The following FREM1 variants were observed in gnomAD, a reference collection of about 807,000 sequenced individuals.
FREM1 encodes the protein FRAS1 related extracellular matrix 1.
In FREM1, 220 loss-of-function variants were observed where a neutral mutation model predicts 210.1. That is an observed-to-expected ratio of 1.05 (90% CI 0.94 to 1.17). The LOEUF is 1.17. Ranked by LOEUF, FREM1 falls within the 50% of genes most tolerant of loss-of-function variation. FREM1 has a pLI of 0.00. For synonymous variants in FREM1, 1,189 were observed against 980.2 expected (o/e 1.21, Z -3.98); for missense variants, 3,454 against 2,675.5 (o/e 1.29, Z -6.42).
At chr9:14,797,403 G>A in intron 21 of FREM1, 95 bp downstream of exon 21, 1 of 1,011,942 alleles carries the variant, frequency 9.9e-7, no homozygotes, top group South Asian at 3.2e-5. Flanking sequence ...GCGAAGACTT[G>A]CTTCTTTGGG....
rs138852435 is a variant in FREM1 at position 14,813,101 on chromosome 9, A to G, written c.2641-37T>C. ...AAAAAATGCATGTTTTCAGAAAAAG[A>G]AAGAAATGACAAATTCTTTGACAGG... On this transcript the variant is annotated intron_variant, in intron 15 of 36. Transcript: ENST00000380880. The G allele has an allele frequency of 3.6e-5, 57 of 1,576,596 alleles. No individual in the cohort carries two copies. The East Asian group carries it at 1.3e-3, about 35-fold the overall frequency.
At chr9:14,743,019 G>C (rs534887579) in intron 35 of FREM1, among the ~76,000 whole-genome samples, 1 of 152,040 alleles carries the variant, frequency 6.6e-6, no homozygotes, top group Admixed American at 6.6e-5. Context: ...GTAGATAAGA[G>C]AAGTGATGGA....
In FREM1 at chr9:14,805,170, G is replaced by A. The variant is rs764397864; in HGVS notation, c.3275-18C>T. ...AAATGAATCTAGAGCACACCAAGAT[G>A]GAACAGATAAATAAAAAAAAAATTT... On this transcript the variant is annotated intron_variant, in intron 18 of 36. Coordinates refer to ENST00000380880, the MANE Select transcript of FREM1 (RefSeq NM_001379081.2). 6.9e-6 allele frequency: 10 copies of A among 1,439,914 alleles called. No homozygotes were observed. The highest frequency in any genetic ancestry group is 8.3e-6 in the Non-Finnish European group (9 of 1,087,490). 89.2% of individuals were successfully genotyped at this position (1,439,914 alleles called of 1,614,324 possible).
rs1276127065 is a variant in FREM1 at position 14,799,473 on chromosome 9, C to T, written c.3695-1831G>A. 4.6e-5 allele frequency among the ~76,000 whole-genome samples: 7 copies of T among 151,972 alleles called. No homozygotes were observed. In the East Asian group the frequency reaches 1.2e-3, roughly 25 times the overall value. On this transcript the variant is annotated intron_variant, in intron 20 of 36. Transcript: ENST00000380880. ...TCTGAGAAAGTCTCCAAAATATCAA[C>T]CCAAATACTAATTTTTATGTAGGAA...
chr9:14,868,996 TTC>T lies in FREM1; in HGVS notation c.-21_-20del, dbSNP rs1224002519. 1 of 1,505,076 alleles carries T rather than the reference TTC, an allele frequency of 6.6e-7. No homozygotes were observed. The highest frequency in any genetic ancestry group is 1.2e-5 in the South Asian group (1 of 82,804). The allele number at this position is 1,505,076 out of a possible 1,614,324, so 93.2% of individuals were successfully genotyped here. A position where few individuals can be genotyped will look rare whatever the true frequency, so the allele number is the denominator to read the frequency against. On this transcript the variant is annotated 5_prime_UTR_variant, in exon 2 of 37. Coordinates refer to ENST00000380880, the MANE Select transcript of FREM1 (RefSeq NM_001379081.2). Reference sequence around the variant, plus strand: ...AGTTCATGCTGACAGGGCCCAACTCTTCTCTGTCCACCGGCGAAATCCCTTTA... The same window carrying T: ...AGTTCATGCTGACAGGGCCCAACTCTTCTGTCCACCGGCGAAATCCCTTTA...
chr9:14,884,915 CTTTTTTTTTTTTTTT>C (rs745465527), intron 1 of FREM1, among the ~76,000 whole-genome samples: 1 of 70,396 alleles, frequency 1.4e-5, no homozygotes, highest in South Asian at 6.2e-4. Context: ...TTCATCATAG[CTTTTTTTTTTTTTTT>C]TTTTTTTTTT....
intron 10 of FREM1, among the ~76,000 whole-genome samples, chr9:14,839,218 G>A (rs145484865): frequency 2.6e-5 from 4 of 152,278 alleles, no homozygotes; most frequent in Non-Finnish European, 5.9e-5. Flanking sequence ...AGAAAAACTC[G>A]TCAAGCAGAT....
intron 24 of FREM1, among the ~76,000 whole-genome samples, chr9:14,781,699 G>A (rs1377952855): frequency 6.6e-6 from 1 of 152,078 alleles, no homozygotes; most frequent in South Asian, 2.1e-4. Flanking sequence ...CCCTAAAAAG[G>A]CTTCTATAAA....
rs573003649 is a variant in FREM1, at chr9:14,805,354, G to A, written c.3275-202C>T. ...GCAGATATCCACAGATCATACAGAA[G>A]AATAAAATTTGCATGGAGAACCGAA... On this transcript the variant is annotated intron_variant, in intron 18 of 36. Coordinates refer to ENST00000380880, the MANE Select transcript of FREM1 (RefSeq NM_001379081.2). Among the ~76,000 whole-genome samples, 3 of 152,306 alleles carry A rather than the reference G, an allele frequency of 2.0e-5. No individual in the cohort carries two copies. The South Asian group carries it at 6.2e-4, about 32-fold the overall frequency.
Position 14,813,069 on chromosome 9 carries a change from G to C in FREM1, c.2641-5C>G. ...CTCATCGTTGACAGGGAATACCTAG[G>C]CAATGGAAAAAATGCATGTTTTCAG... On this transcript the variant is annotated splice_region_variant and splice_polypyrimidine_tract_variant and intron_variant, in intron 15 of 36. Coordinates refer to ENST00000380880, the MANE Select transcript of FREM1 (RefSeq NM_001379081.2). 1 of 1,589,202 alleles carries C rather than the reference G, an allele frequency of 6.3e-7. No individual in the cohort carries two copies. Among genetic ancestry groups the C allele is most frequent in the South Asian group, 1.1e-5 (1 of 88,068 alleles).
intron 3 of FREM1, among the ~76,000 whole-genome samples, chr9:14,861,278 CATATATACATATATACAT>C (rs1201450310): frequency 2.5e-5 from 2 of 78,636 alleles, no homozygotes; most frequent in African/African-American, 1.5e-4. Context: ...CACATATATA[CATATATACATATATACAT>C]ATATACACAT....
intron 10 of FREM1, among the ~76,000 whole-genome samples, chr9:14,840,016 A>G: frequency 6.6e-6 from 1 of 152,228 alleles, no homozygotes; most frequent in Non-Finnish European, 1.5e-5. Context: ...GAGTTTTCTC[A>G]TTCATTCTCT....
intron 24 of FREM1, among the ~76,000 whole-genome samples, chr9:14,777,606 A>G (rs1339535797): frequency 6.6e-6 from 1 of 151,898 alleles, no homozygotes; most frequent in Non-Finnish European, 1.5e-5. Flanking sequence ...ATTTTTATGT[A>G]TAAATTTTAT....
At chr9:14,740,886 G>A (rs113509887) in intron 35 of FREM1, among the ~76,000 whole-genome samples, 1 of 151,970 alleles carries the variant, frequency 6.6e-6, no homozygotes, top group Non-Finnish European at 1.5e-5. Context: ...TCCTAGAAGC[G>A]ATATTTGATT....
At position 14,848,722 on chromosome 9, in the gene FREM1, C is replaced by A; in HGVS notation, c.1204G>T (p.Val402Phe). The A allele has an allele frequency of 6.2e-7, 1 of 1,613,152 alleles. No individual in the cohort carries two copies. Among genetic ancestry groups the A allele is most frequent in the Non-Finnish European group, 8.5e-7 (1 of 1,179,262 alleles). Residue 402 changes from valine (V) to phenylalanine (F), a missense_variant, in exon 7 of 37, where the codon GTC (valine) becomes TTC (phenylalanine). Val to Phe is a conservative substitution (Grantham distance 50, BLOSUM62 -1). Coordinates refer to ENST00000380880, the MANE Select transcript of FREM1 (RefSeq NM_001379081.2). ...TCTGCTGTTCTGATGGAGATGTGGA[C>A]TGTCATAGGTGCACTCCTTTCAAAG... The part of the protein sequence containing the change: ...FFFERSAPMT[V>F]HISIRTADTN...
At position 14,770,628 on chromosome 9, in the gene FREM1, C is replaced by A. The variant is rs1405842012; in HGVS notation, c.5036G>T (p.Gly1679Val). Residue 1679 changes from glycine (G) to valine (V), a missense_variant, in exon 26 of 37, where the codon GGA (glycine) becomes GTA (valine). Gly to Val is a moderately radical substitution (Grantham distance 109). Coordinates refer to ENST00000380880, the MANE Select transcript of FREM1 (RefSeq NM_001379081.2). The part of the protein sequence containing the change: ...IFKILQGPKH[G>V]HLENTTTGEF... The stretch of plus-strand genomic sequence containing the variant: ...ACCTGTTGTTGTGTTCTCCAGATGT[C>A]CATGTTTTGGGCCTTGTAGAATTTT... 1 of 1,612,914 alleles carries A rather than the reference C, an allele frequency of 6.2e-7. No individual in the cohort carries two copies. Among genetic ancestry groups the A allele is most frequent in the East Asian group, 2.2e-5 (1 of 44,888 alleles).
In FREM1 at chr9:14,905,752, A is replaced by T. The variant is rs111828633; in HGVS notation, c.-268+4162T>A. Among the ~76,000 whole-genome samples the T allele has an allele frequency of 2.9e-3, 440 of 152,300 alleles. 1 individual carries two copies. Among genetic ancestry groups the T allele is most frequent in the Non-Finnish European group, 4.7e-3 (323 of 68,020 alleles). ...AAAAATACAAAAAAATTAGCCGGTC[A>T]TGGCAGTGCACGCCTGTAGTCCCAG... is the stretch of plus-strand genomic sequence containing the variant. On this transcript the variant is annotated intron_variant, in intron 1 of 36. Coordinates refer to ENST00000380880, the MANE Select transcript of FREM1 (RefSeq NM_001379081.2).
At chr9:14,774,096 T>A (rs989991948) in intron 25 of FREM1, 8 of 518,870 alleles carry the variant, frequency 1.5e-5, no homozygotes, top group Admixed American at 1.4e-4. Flanking sequence ...TTCTTTCTTC[T>A]CCCAGTGCAT....
Position 14,800,413 on chromosome 9 carries a change from T to C in FREM1, c.3694+1239A>G, listed in dbSNP as rs187994846. ...TCTCAGATTTTTAAAAGTATTTTCA[T>C]ATGTGAAAAGTGGGATAAGATTGAA... is the stretch of plus-strand genomic sequence containing the variant. On this transcript the variant is annotated intron_variant, in intron 20 of 36. Transcript: ENST00000380880. 7.9e-5 allele frequency among the ~76,000 whole-genome samples: 12 copies of C among 152,316 alleles called. No homozygotes were observed. The East Asian group carries it at 2.3e-3, about 29-fold the overall frequency.
Sources: allele counts gnomAD v4.1 joint callset (sites outside exome capture counted in the v4.1 genomes callset), GRCh38; gene constraint gnomAD v4.1.1; transcripts MANE v1.5; gene names NCBI Gene and HGNC (gene_info 2026-07-23, HGNC 2026-07-21).